The following COL5A2 variants were observed in gnomAD, a reference collection of about 807,000 sequenced individuals.
COL5A2 encodes collagen type V alpha 2 chain, also known as collagen alpha-2(V) chain.
A neutral mutation model predicts 208.2 loss-of-function variants in COL5A2; 23 were observed. The ratio of observed to expected loss-of-function variants is 0.11; its 90% CI spans 0.08 to 0.16. The LOEUF is 0.16. COL5A2 is among the 10% of genes least tolerant of loss of function. COL5A2 has a pLI of 1.00. For missense variants in COL5A2, 1,590 were observed against 1,956.4 expected (o/e 0.81, Z 3.53); for synonymous variants, 625 against 628.5 (o/e 0.99, Z 0.08).
At chr2:189,149,915 A>G (rs1163483174) in intron 1 of COL5A2, among the ~76,000 whole-genome samples, 4 of 152,200 alleles carry the variant, frequency 2.6e-5, no homozygotes, top group Admixed American at 6.5e-5. Context: ...TGTTCTTTGT[A>G]AAGTCTTAGT....
At chr2:189,177,594 A>G (rs1688700220) in intron 1 of COL5A2, among the ~76,000 whole-genome samples, 1 of 152,196 alleles carries the variant, frequency 6.6e-6, no homozygotes, top group African/African-American at 2.4e-5. Context: ...TACAACACAT[A>G]TGCAAGCAAT....
chr2:189,381,408 A>G, the COL5A2 span, among the ~76,000 whole-genome samples: 2 of 152,006 alleles, frequency 1.3e-5, no homozygotes, highest in South Asian at 4.1e-4. Flanking sequence ...ACTGTTTCCA[A>G]TCATCCATAG....
chr2:189,418,032 T>C, the COL5A2 span, among the ~76,000 whole-genome samples: 4 of 152,172 alleles, frequency 2.6e-5, no homozygotes, highest in Non-Finnish European at 1.5e-5. Flanking sequence ...TAATTTGTAA[T>C]ATATTCATGT....
At chr2:189,313,869 G>A in the COL5A2 span, among the ~76,000 whole-genome samples, 1 of 152,114 alleles carries the variant, frequency 6.6e-6, no homozygotes, top group East Asian at 1.9e-4. Flanking sequence ...AATGGTAAAG[G>A]GTTCAATTCA....
chr2:189,034,199 C>G lies in COL5A2; in HGVS notation c.4371G>C (p.Val1457=). 5 of 1,613,922 alleles carry G rather than the reference C, an allele frequency of 3.1e-6. No individual in the cohort carries two copies. Among genetic ancestry groups the G allele is most frequent in the Non-Finnish European group, 4.2e-6 (5 of 1,179,922 alleles). The change falls in exon 54 of 54, where the codon GTG becomes GTC. Residue 1457 remains valine (V), a synonymous_variant. Coordinates refer to ENST00000374866, the MANE Select transcript of COL5A2 (RefSeq NM_000393.5). ...QDTCSKRNGN[V]GKTVFEYRTQ... is the part of the protein sequence containing the mutation. ...TTCTATATTCAAAGACAGTCTTGCC[C>G]ACATTTCCATTCCGCTTCTGAAATT...
Position 189,058,834 on chromosome 2 carries a change from G to T in COL5A2, c.2130+15C>A. 2 of 1,611,680 alleles carry T rather than the reference G, an allele frequency of 1.2e-6. No homozygotes were observed. Among genetic ancestry groups the T allele is most frequent in the Non-Finnish European group, 1.7e-6 (2 of 1,178,236 alleles). ...AGTGGGAAACAACATTAATCATGAA[G>T]ATTAAAATACTTACTCTAGGTCCTA... On this transcript the variant is annotated intron_variant, in intron 32 of 53. Coordinates refer to ENST00000374866, the MANE Select transcript of COL5A2 (RefSeq NM_000393.5).
At chr2:189,361,914 C>T in the COL5A2 span, among the ~76,000 whole-genome samples, 1 of 151,984 alleles carries the variant, frequency 6.6e-6, no homozygotes, top group South Asian at 2.1e-4. Context: ...TACCATTCTC[C>T]CCCACATTTT....
chr2:189,036,198 T>C (rs1345311923), intron 52 of COL5A2, among the ~76,000 whole-genome samples: 1 of 152,042 alleles, frequency 6.6e-6, no homozygotes, highest in Admixed American at 6.6e-5. Context: ...CTCCAAAAAG[T>C]TCAGAGACTT....
At chr2:189,136,971 T>C (rs1169724543) in intron 1 of COL5A2, among the ~76,000 whole-genome samples, 1 of 152,190 alleles carries the variant, frequency 6.6e-6, no homozygotes, top group African/African-American at 2.4e-5. Context: ...TATTCATCAT[T>C]TTGAAAAATA....
the COL5A2 span, among the ~76,000 whole-genome samples, chr2:189,416,562 G>C: frequency 2.6e-5 from 4 of 152,264 alleles, no homozygotes; most frequent in East Asian, 3.9e-4. Context: ...GGACTGTTGT[G>C]GGGTAGGAGG....
intron 18 of COL5A2, among the ~76,000 whole-genome samples, chr2:189,071,804 C>T (rs149504941): frequency 1.3e-5 from 2 of 152,176 alleles, no homozygotes; most frequent in Non-Finnish European, 2.9e-5. Context: ...ACATCAGGTT[C>T]TTTGATATTA....
the COL5A2 span, among the ~76,000 whole-genome samples, chr2:189,234,734 T>C: frequency 6.6e-6 from 1 of 151,744 alleles, no homozygotes; most frequent in Non-Finnish European, 1.5e-5. Flanking sequence ...ACATAATGCA[T>C]ACTTTTACTT....
At chr2:189,194,249 A>G (rs1196897840) in intron 1 of COL5A2, among the ~76,000 whole-genome samples, 1 of 152,158 alleles carries the variant, frequency 6.6e-6, no homozygotes, top group Non-Finnish European at 1.5e-5. Flanking sequence ...TCTCATCTAC[A>G]TTTTTAATAT....
chr2:189,148,748 T>A (rs1032083184), intron 1 of COL5A2, among the ~76,000 whole-genome samples: 1 of 152,196 alleles, frequency 6.6e-6, no homozygotes, highest in Non-Finnish European at 1.5e-5. Flanking sequence ...ATCTCATATA[T>A]GGAGTTACAG....
intron 2 of COL5A2, among the ~76,000 whole-genome samples, chr2:189,107,063 AT>A (rs1204537092): frequency 6.6e-6 from 1 of 151,486 alleles, no homozygotes; most frequent in African/African-American, 2.4e-5. Context: ...GCTGTAAATA[AT>A]ATACTTCCTT....
intron 8 of COL5A2, 113 bp downstream of exon 8, chr2:189,088,582 C>A (rs984738302): frequency 1.5e-6 from 1 of 680,082 alleles, no homozygotes; most frequent in Non-Finnish European, 2.7e-6. Flanking sequence ...AATGAATGTA[C>A]GACTGTGTTT....
At chr2:189,252,708 A>G in the COL5A2 span, among the ~76,000 whole-genome samples, 1,171 of 152,164 alleles carry the variant, frequency 7.7e-3, 18 homozygotes, top group Non-Finnish European at 8.3e-3. Context: ...ACATGTATAC[A>G]TATGTAACAA....
intron 1 of COL5A2, among the ~76,000 whole-genome samples, chr2:189,198,190 T>C (rs891625079): frequency 6.6e-6 from 1 of 152,174 alleles, no homozygotes; most frequent in South Asian, 2.1e-4. Flanking sequence ...CTGGCCATTT[T>C]CCACATGGAT....
chr2:189,216,408 T>A (rs1410452979), intron 1 of COL5A2, among the ~76,000 whole-genome samples: 1 of 152,092 alleles, frequency 6.6e-6, no homozygotes, highest in African/African-American at 2.4e-5. Flanking sequence ...AACTCATTCA[T>A]TCAATATTCT....
Sources: allele counts gnomAD v4.1 joint callset (sites outside exome capture counted in the v4.1 genomes callset), GRCh38; gene constraint gnomAD v4.1.1; transcripts MANE v1.5; gene names NCBI Gene and HGNC (gene_info 2026-07-23, HGNC 2026-07-21).